The following F13A1 variants were observed in gnomAD, a reference collection of about 807,000 sequenced individuals.
The protein encoded by F13A1 is FSF, A subunit.
In F13A1, 47 loss-of-function variants were observed where a neutral mutation model predicts 80.1. That is an observed-to-expected ratio of 0.59 (90% CI 0.46 to 0.75). F13A1 has a LOEUF of 0.75. Among genes scored for constraint, F13A1 ranks in the 30% least tolerant of loss-of-function variants. F13A1 has a pLI of 0.00. For missense variants in F13A1, 817 were observed against 930.4 expected (o/e 0.88, Z 1.59); for synonymous variants, 349 against 344.9 (o/e 1.01, Z -0.13).
rs1758391608 is a variant in F13A1 at position 6,299,768 on chromosome 6, C to A, written c.319+5583G>T. ...TCAGCTCGTCAAAGTCATTCTCCAT[C>A]CAGCTTTGTTCCGTTGCTGGTGAGG... On this transcript the variant is annotated intron_variant, in intron 3 of 14. Coordinates refer to ENST00000264870, the MANE Select transcript of F13A1 (RefSeq NM_000129.4). Among the ~76,000 whole-genome samples, 2 of 148,072 alleles carry A rather than the reference C, an allele frequency of 1.4e-5. 1 individual carries two copies. Among genetic ancestry groups the A allele is most frequent in the African/African-American group, 5.3e-5 (2 of 37,904 alleles).
chr6:6,226,563 C>G (rs1757278703), intron 6 of F13A1, among the ~76,000 whole-genome samples: 1 of 152,176 alleles, frequency 6.6e-6, no homozygotes, highest in Non-Finnish European at 1.5e-5. Context: ...ACTAACAACT[C>G]AGCCTCATCA....
chr6:6,220,000 GAA>G (rs1757168636), intron 8 of F13A1, among the ~76,000 whole-genome samples: 1 of 152,204 alleles, frequency 6.6e-6, no homozygotes, highest in South Asian at 2.1e-4. Context: ...CTTTAGAGGA[GAA>G]AAGAGGCACA....
Position 6,221,723 on chromosome 6 carries a change from A to C in F13A1, c.1112+310T>G, listed in dbSNP as rs754119760. 2.0e-5 allele frequency among the ~76,000 whole-genome samples: 3 copies of C among 152,300 alleles called. No homozygotes were observed. The South Asian group carries it at 6.2e-4, about 32-fold the overall frequency. On this transcript the variant is annotated intron_variant, in intron 8 of 14. Transcript: ENST00000264870. ...GCTTGGCTCCAATACTTCTGCTATT[A>C]ACTGTAATATTAATATATCAAGGTA...
Position 6,162,487 on chromosome 6 carries a change from C to T in F13A1, c.1908+4971G>A, listed in dbSNP as rs1454448703. Among the ~76,000 whole-genome samples, 1 of 152,190 alleles carries T rather than the reference C, an allele frequency of 6.6e-6. No homozygotes were observed. Among genetic ancestry groups the T allele is most frequent in the Non-Finnish European group, 1.5e-5 (1 of 68,042 alleles). On this transcript the variant is annotated intron_variant, in intron 13 of 14. Transcript: ENST00000264870. The surrounding 1 kb of genome is among the most constrained non-coding windows in gnomAD (Gnocchi z 4.2). ...GATCTCTCCTCCCTTGAATACAAAA[C>T]TCTCTGCAAAGTCAATGACCACCTC...
At chr6:6,197,660 G>A (rs1334714168) in intron 8 of F13A1, among the ~76,000 whole-genome samples, 1 of 147,640 alleles carries the variant, frequency 6.8e-6, no homozygotes, top group Non-Finnish European at 1.5e-5. Context: ...CCTGGTGACA[G>A]AGGGAGACTC....
chr6:6,153,323 A>G lies in F13A1; in HGVS notation c.1909-1374T>C, dbSNP rs150017252. On this transcript the variant is annotated intron_variant, in intron 13 of 14. Coordinates refer to ENST00000264870, the MANE Select transcript of F13A1 (RefSeq NM_000129.4). ...AAGAGGACCCTTGCTTACTTATGCT[A>G]CAGTCAAGAATAAAATCTTCCTGAT... Among the ~76,000 whole-genome samples the G allele has an allele frequency of 1.0e-3, 155 of 152,350 alleles. 1 individual carries two copies. In the East Asian group the frequency reaches 0.021, roughly 21 times the overall value.
chr6:6,252,562 T>C (rs994878815), intron 4 of F13A1, among the ~76,000 whole-genome samples: 1 of 152,166 alleles, frequency 6.6e-6, no homozygotes, highest in African/African-American at 2.4e-5. Context: ...TGTGGCAAAA[T>C]CTTGATAACC....
intron 11 of F13A1, among the ~76,000 whole-genome samples, chr6:6,181,739 A>C (rs1426930872): frequency 2.0e-5 from 3 of 152,268 alleles, no homozygotes; most frequent in African/African-American, 7.2e-5. Context: ...TAAATTAGGT[A>C]TGACTTTAAA....
At position 6,317,169 on chromosome 6, in the gene F13A1, G is replaced by GT. The variant is rs1455141781; in HGVS notation, c.130+1365dup. Among the ~76,000 whole-genome samples the GT allele has an allele frequency of 6.6e-5, 10 of 152,278 alleles. No homozygotes were observed. In the East Asian group the frequency reaches 1.9e-3, roughly 29 times the overall value. On this transcript the variant is annotated intron_variant, in intron 2 of 14. Transcript: ENST00000264870. ...CAACCTGCTTAATAATTTGATATCT[G>GT]TAGGCTTTTGCATTTTATTTGCATT...
intron 4 of F13A1, among the ~76,000 whole-genome samples, chr6:6,256,551 T>C (rs1757706334): frequency 1.3e-5 from 2 of 152,080 alleles, no homozygotes; most frequent in African/African-American, 4.8e-5. Flanking sequence ...AAGAGGCATG[T>C]AGTGAAGAAT....
At chr6:6,276,033 G>T (rs1757983763) in intron 3 of F13A1, among the ~76,000 whole-genome samples, 1 of 152,190 alleles carries the variant, frequency 6.6e-6, no homozygotes. Context: ...GGAGGAACAG[G>T]AGTCAAAGAA....
chr6:6,156,876 A>G (rs1038417026), intron 13 of F13A1, among the ~76,000 whole-genome samples: 2 of 152,202 alleles, frequency 1.3e-5, no homozygotes, highest in African/African-American at 4.8e-5. Flanking sequence ...TGGCTACTGC[A>G]TTGGATGGAG....
intron 3 of F13A1, among the ~76,000 whole-genome samples, chr6:6,282,243 G>C (rs898547018): frequency 6.6e-6 from 1 of 152,152 alleles, no homozygotes; most frequent in Non-Finnish European, 1.5e-5. Context: ...TGGTTATTTT[G>C]AGGGTAGGTG....
At chr6:6,165,673 T>A (rs1201697000) in intron 13 of F13A1, among the ~76,000 whole-genome samples, 4 of 152,164 alleles carry the variant, frequency 2.6e-5, no homozygotes, top group African/African-American at 9.7e-5. Context: ...GTCCCACATG[T>A]CTATAGGAAG....
intron 4 of F13A1, 41 bp downstream of exon 4, chr6:6,266,517 G>A (rs750099655): frequency 6.2e-7 from 1 of 1,614,106 alleles, no homozygotes; most frequent in Non-Finnish European, 8.5e-7. Context: ...CCGCCAAATA[G>A]GTGAATTTTT....
intron 6 of F13A1, 67 bp from the exon 7 acceptor site, chr6:6,224,927 A>G: frequency 6.5e-7 from 1 of 1,545,236 alleles, no homozygotes; most frequent in East Asian, 2.3e-5. Context: ...CAGGCTATGC[A>G]TGGCGCAAGC....
chr6:6,222,297 C>T, intron 7 of F13A1, 126 bp from the exon 8 acceptor site: 1 of 1,278,290 alleles, frequency 7.8e-7, no homozygotes, highest in Non-Finnish European at 1.1e-6. Context: ...ACATGTTATT[C>T]TCAAATGTTC....
At chr6:6,272,706 T>C (rs1561675091) in intron 3 of F13A1, among the ~76,000 whole-genome samples, 1 of 152,138 alleles carries the variant, frequency 6.6e-6, no homozygotes, top group Non-Finnish European at 1.5e-5. Context: ...TCCTAAGATG[T>C]TGACAGCTAA....
intron 8 of F13A1, among the ~76,000 whole-genome samples, chr6:6,212,852 A>G (rs1183632570): frequency 1.3e-5 from 2 of 152,182 alleles, no homozygotes; most frequent in East Asian, 3.8e-4. Context: ...ATGGAGCTGA[A>G]AAGCAAGGCT....
Sources: allele counts gnomAD v4.1 joint callset (sites outside exome capture counted in the v4.1 genomes callset), GRCh38; gene constraint gnomAD v4.1.1; non-coding constraint Gnocchi (gnomAD v3.1); transcripts MANE v1.5; gene names NCBI Gene and HGNC (gene_info 2026-07-23, HGNC 2026-07-21).